GPATCH11: variants seen among roughly 807,000 people sequenced by gnomAD.
GPATCH11 encodes the protein G patch domain-containing protein 11.
A neutral mutation model predicts 44.8 loss-of-function variants in GPATCH11; 32 were observed. The observed-to-expected ratio is 0.71, with a 90% CI of 0.54 to 0.96. The LOEUF (loss-of-function observed/expected upper bound fraction) is 0.96, where lower values mean the gene tolerates loss of function less well. Among genes scored for constraint, GPATCH11 ranks in the 40% least tolerant of loss-of-function variants. The probability of loss-of-function intolerance (pLI) is 0.00; values close to 1 mark genes in which losing one functional copy is unlikely to be tolerated. For synonymous variants in GPATCH11, 84 were observed against 94.4 expected (o/e 0.89, Z 0.64); for missense variants, 324 against 303.1 (o/e 1.07, Z -0.51).
intron 2 of GPATCH11, among the ~76,000 whole-genome samples, chr2:37,089,132 T>C (rs766257071): frequency 2.0e-5 from 3 of 152,254 alleles, no homozygotes; most frequent in South Asian, 2.1e-4. Flanking sequence ...TTTCCTATGA[T>C]CTGGCACCAG....
rs1395300829 is a variant in GPATCH11, at chr2:37,091,897, G to T, written c.329-19G>T. Reference sequence around the variant, plus strand: ...CACAAAGTCAGGATGTTTCTCATCAGAATTTTCTGTTTGAATAGGGAAAAG... The same window carrying T: ...CACAAAGTCAGGATGTTTCTCATCATAATTTTCTGTTTGAATAGGGAAAAG... On this transcript the variant is annotated intron_variant, in intron 4 of 8. Coordinates refer to ENST00000674370, the MANE Select transcript of GPATCH11 (RefSeq NM_174931.4). 1.4e-5 allele frequency: 22 copies of T among 1,603,514 alleles called. No homozygotes were observed. Among genetic ancestry groups the T allele is most frequent in the Non-Finnish European group, 1.6e-5 (19 of 1,173,958 alleles).
Position 37,092,189 on chromosome 2 carries a change from T to C in GPATCH11, c.474T>C (p.Asp158=). ...GAATGCGACTTAAAAATAAGCAAGATGAAATGAAGCTAGAAGGAGATCTCA... is the reference window on the plus strand; with the variant it reads ...GAATGCGACTTAAAAATAAGCAAGACGAAATGAAGCTAGAAGGAGATCTCA... The part of the protein sequence containing the change: ...QFRMRLKNKQ[D]EMKLEGDLRR... The change falls in exon 6 of 9, where the codon GAT becomes GAC. Residue 158 remains aspartate (D), a synonymous_variant. Coordinates refer to ENST00000674370, the MANE Select transcript of GPATCH11 (RefSeq NM_174931.4). 1 of 1,567,448 alleles carries C rather than the reference T, an allele frequency of 6.4e-7. No homozygotes were observed. Among genetic ancestry groups the C allele is most frequent in the Non-Finnish European group, 8.6e-7 (1 of 1,162,054 alleles).
intron 8 of GPATCH11, 63 bp downstream of exon 8, chr2:37,095,581 C>A: frequency 4.9e-6 from 7 of 1,442,992 alleles, no homozygotes; most frequent in South Asian, 4.6e-5. Flanking sequence ...TAGTTAAAGT[C>A]ATTTCCCACT....
At chr2:37,092,435 CAT>C (rs1053303251) in intron 6 of GPATCH11, among the ~76,000 whole-genome samples, 180 bp downstream of exon 6, 33 of 140,966 alleles carry the variant, frequency 2.3e-4, no homozygotes, top group East Asian at 1.2e-3. Context: ...ATATTTTTTA[CAT>C]ATGTCTTATA....
At position 37,096,221 on chromosome 2, in the gene GPATCH11, A is replaced by G. The variant is rs777679976; in HGVS notation, c.750A>G (p.Leu250=). ...CATAACTTACAGATAAAGAAGACCT[A>G]TCTTCAAATTGTCCAGGACCAACTT... ...CGTAYEDKED[L]SSNCPGPTSA... is the part of the protein sequence containing the mutation. The change falls in exon 9 of 9, where the codon CTA becomes CTG. Residue 250 remains leucine (L), a synonymous_variant. Coordinates refer to ENST00000674370, the MANE Select transcript of GPATCH11 (RefSeq NM_174931.4). 6.6e-5 allele frequency: 105 copies of G among 1,582,264 alleles called. No individual in the cohort carries two copies. Among genetic ancestry groups the G allele is most frequent in the Non-Finnish European group, 8.2e-5 (95 of 1,161,176 alleles).
At chr2:37,089,208 A>G (rs6734153) in intron 2 of GPATCH11, among the ~76,000 whole-genome samples, 136,748 of 152,254 alleles carry the variant, frequency 0.9, 62,011 homozygotes, top group East Asian at 1. Flanking sequence ...TATCATAATA[A>G]CAAAGATGAT....
rs1455265013 is a variant in GPATCH11, at chr2:37,098,461, A to AACAT, written c.*2201_*2204dup. ...TCAATACTGTGGTGTCATTTCAGCC[A>AACAT]ACATACCAACATTCAGTCAAATCCC... On this transcript the variant is annotated 3_prime_UTR_variant, in exon 9 of 9. Coordinates refer to ENST00000674370, the MANE Select transcript of GPATCH11 (RefSeq NM_174931.4). 1.3e-5 allele frequency: 2 copies of AACAT among 151,966 alleles called. No individual in the cohort carries two copies. The highest frequency in any genetic ancestry group is 2.9e-5 in the Non-Finnish European group (2 of 68,002). 9.4% of individuals were successfully genotyped at this position (151,966 alleles called of 1,614,324 possible).
At chr2:37,086,987 A>C (rs141313260) in intron 1 of GPATCH11, among the ~76,000 whole-genome samples, 1 of 152,268 alleles carries the variant, frequency 6.6e-6, no homozygotes, top group Non-Finnish European at 1.5e-5. Context: ...GCAGCCTTGG[A>C]AACTAGGCTC....
rs759316368 is a variant in GPATCH11 at position 37,091,962 on chromosome 2, G to A, written c.375G>A (p.Glu125=). The A allele has an allele frequency of 7.0e-5, 113 of 1,612,648 alleles. 1 individual carries two copies. In the South Asian group the frequency reaches 1.2e-3, roughly 18 times the overall value. Residue 125 remains glutamate (E), a synonymous_variant, in exon 5 of 9, where the codon GAG becomes GAA. Transcript: ENST00000674370. ...GHEASLKRKA[E]EKLESYRKKI... ...AGGCATCATTAAAACGGAAAGCAGAGGAAAAATTGGAAAGCTACAGAAAAA... is the reference window on the plus strand; with the variant it reads ...AGGCATCATTAAAACGGAAAGCAGAAGAAAAATTGGAAAGCTACAGAAAAA...
intron 2 of GPATCH11, among the ~76,000 whole-genome samples, chr2:37,089,404 T>G (rs1170769510): frequency 4.1e-4 from 63 of 151,892 alleles, no homozygotes; most frequent in Non-Finnish European, 1.5e-5. Flanking sequence ...CCGTCTCTAC[T>G]AAAAATACAA....
At chr2:37,090,373 A>G (rs780169678) in intron 3 of GPATCH11, among the ~76,000 whole-genome samples, 1 of 152,154 alleles carries the variant, frequency 6.6e-6, no homozygotes, top group Non-Finnish European at 1.5e-5. Flanking sequence ...TCTTTCCTTT[A>G]TCGTAATTGC....
intron 6 of GPATCH11, 67 bp downstream of exon 6, chr2:37,092,322 T>A (rs934792046): frequency 4.2e-5 from 12 of 286,064 alleles, no homozygotes; most frequent in Non-Finnish European, 7.5e-5. Context: ...CCCGTTTATT[T>A]ATTATATATA....
intron 7 of GPATCH11, 108 bp downstream of exon 7, chr2:37,094,303 T>C: frequency 4.3e-6 from 3 of 692,232 alleles, no homozygotes; most frequent in South Asian, 3.3e-5. Flanking sequence ...CATTGCAAGA[T>C]GTTTAGCAGC....
chr2:37,098,322 CA>C lies in GPATCH11; in HGVS notation c.*2070del, dbSNP rs1188850021. Reference sequence around the variant, plus strand: ...TGGGTGACAGAGCAAGACCCTGTCTCAAAAAAAAAAATTATATATATATATG... The same window carrying C: ...TGGGTGACAGAGCAAGACCCTGTCTCAAAAAAAAAATTATATATATATATG... On this transcript the variant is annotated 3_prime_UTR_variant, in exon 9 of 9. Coordinates refer to ENST00000674370, the MANE Select transcript of GPATCH11 (RefSeq NM_174931.4). The C allele has an allele frequency of 6.8e-4, 80 of 117,152 alleles. No homozygotes were observed. Among genetic ancestry groups the C allele is most frequent in the Non-Finnish European group, 8.0e-4 (45 of 56,298 alleles). The allele number at this position is 117,152 out of a possible 1,614,324, so 7.3% of individuals were successfully genotyped here.
chr2:37,087,428 C>G (rs1320035512), intron 1 of GPATCH11, among the ~76,000 whole-genome samples: 1 of 152,222 alleles, frequency 6.6e-6, no homozygotes, highest in Non-Finnish European at 1.5e-5. Context: ...AATGCAGAAC[C>G]TCAGGTTCCA....
rs1246029492 is a variant in GPATCH11 at position 37,098,525 on chromosome 2, C to G, written c.*2262C>G. 1 of 152,034 alleles carries G rather than the reference C, an allele frequency of 6.6e-6. No homozygotes were observed. Among genetic ancestry groups the G allele is most frequent in the Non-Finnish European group, 1.5e-5 (1 of 68,012 alleles). 9.4% of individuals were successfully genotyped at this position (152,034 alleles called of 1,614,324 possible). On this transcript the variant is annotated 3_prime_UTR_variant, in exon 9 of 9. Coordinates refer to ENST00000674370, the MANE Select transcript of GPATCH11 (RefSeq NM_174931.4). ...TAATTTCAGATGGAATGGAGTTAGA[C>G]AGGAACTGGCTTCCCTTTCTCCTGT...
chr2:37,089,651 G>T lies in GPATCH11; in HGVS notation c.71G>T (p.Arg24Ile). 6.4e-7 allele frequency: 1 copy of T among 1,550,422 alleles called. No homozygotes were observed. The highest frequency in any genetic ancestry group is 8.7e-7 in the Non-Finnish European group (1 of 1,146,386). The change falls in exon 3 of 9, where the codon AGA becomes ATA. Residue 24 changes from arginine (R) to isoleucine (I), a missense_variant. Physicochemically the swap from Arg to Ile is moderately conservative, Grantham distance 97. Coordinates refer to ENST00000674370, the MANE Select transcript of GPATCH11 (RefSeq NM_174931.4). ...DSFINVQEDI[R>I]PGLPMLRQIR... Reference sequence around the variant, plus strand: ...TTTCCCTTATTCAGAGAAGATATCAGACCAGGATTGCCAATGCTAAGGCAA... The same window carrying T: ...TTTCCCTTATTCAGAGAAGATATCATACCAGGATTGCCAATGCTAAGGCAA...
chr2:37,091,099 C>G (rs973511732), intron 4 of GPATCH11, among the ~76,000 whole-genome samples: 1 of 151,968 alleles, frequency 6.6e-6, no homozygotes, highest in African/African-American at 2.4e-5. Context: ...CCGAGGCAGG[C>G]AGATCACCTG....
At chr2:37,086,083 C>CA (rs1673023229) in intron 1 of GPATCH11, among the ~76,000 whole-genome samples, 1 of 152,080 alleles carries the variant, frequency 6.6e-6, no homozygotes, top group South Asian at 2.1e-4. Flanking sequence ...CAGTTATGAC[C>CA]AAAAAATCAA....
Sources: allele counts gnomAD v4.1 joint callset (sites outside exome capture counted in the v4.1 genomes callset), GRCh38; gene constraint gnomAD v4.1.1; transcripts MANE v1.5; gene names NCBI Gene and HGNC (gene_info 2026-07-23, HGNC 2026-07-21).